The following SENP7 variants were observed in gnomAD, a reference collection of about 807,000 sequenced individuals.
SENP7 encodes the protein sentrin-specific protease 7.
Under a neutral mutation model 141.2 loss-of-function variants are expected in SENP7, and 64 were observed. That is an observed-to-expected ratio of 0.45 (90% CI 0.37 to 0.56). The LOEUF (loss-of-function observed/expected upper bound fraction) is 0.56. Among genes scored for constraint, SENP7 ranks in the 20% least tolerant of loss-of-function variants. The probability of loss-of-function intolerance (pLI) is 0.00; values close to 1 mark genes in which losing one functional copy is unlikely to be tolerated. For synonymous variants in SENP7, 382 were observed against 426.4 expected (o/e 0.90, Z 1.28); for missense variants, 1,025 against 1,212.2 (o/e 0.85, Z 2.29).
intron 4 of SENP7, among the ~76,000 whole-genome samples, chr3:101,431,153 T>C (rs1401900086): frequency 1.3e-5 from 2 of 152,186 alleles, no homozygotes; most frequent in Admixed American, 1.3e-4. Flanking sequence ...GAATGTATAT[T>C]CTGTTGATTT....
In SENP7 at chr3:101,338,156, A is replaced by AC. The variant is rs1475237321; in HGVS notation, c.2358-526_2358-525insG. Among the ~76,000 whole-genome samples, 21 of 151,370 alleles carry AC rather than the reference A, an allele frequency of 1.4e-4. 1 individual carries two copies. In the East Asian group the frequency reaches 3.3e-3, roughly 24 times the overall value. ...TGACACAGCGAGACTCTGTCTCAAA[A>AC]AAAAAAAAAAAAATTAAAAAACTTT... On this transcript the variant is annotated intron_variant, in intron 16 of 23. Coordinates refer to ENST00000394095, the MANE Select transcript of SENP7 (RefSeq NM_020654.5).
intron 3 of SENP7, among the ~76,000 whole-genome samples, chr3:101,463,324 C>T (rs1164585831): frequency 7.2e-6 from 1 of 139,812 alleles, no homozygotes; most frequent in Non-Finnish European, 1.5e-5. Flanking sequence ...AGTCAGGCCT[C>T]GGTGACACAG....
chr3:101,410,032 T>G (rs2061410917), intron 5 of SENP7, among the ~76,000 whole-genome samples: 1 of 152,094 alleles, frequency 6.6e-6, no homozygotes, highest in Non-Finnish European at 1.5e-5. Flanking sequence ...TCACAATGTA[T>G]ACATCTGACA....
chr3:101,416,394 T>A (rs939187011), intron 5 of SENP7, among the ~76,000 whole-genome samples: 1 of 152,194 alleles, frequency 6.6e-6, no homozygotes, highest in African/African-American at 2.4e-5. Flanking sequence ...ATTGATGAGT[T>A]TGTTGTCATT....
chr3:101,378,257 G>A (rs1333779977), intron 6 of SENP7, among the ~76,000 whole-genome samples: 1 of 151,964 alleles, frequency 6.6e-6, no homozygotes, highest in Non-Finnish European at 1.5e-5. Flanking sequence ...ACATGTCAGA[G>A]ATGTTGAATT....
At chr3:101,355,168 C>G (rs755171186) in intron 11 of SENP7, among the ~76,000 whole-genome samples, 45 of 152,076 alleles carry the variant, frequency 3.0e-4, no homozygotes, top group Non-Finnish European at 5.3e-4. Context: ...TGTAGGTTGT[C>G]TGTTTACTCT....
intron 4 of SENP7, among the ~76,000 whole-genome samples, chr3:101,420,195 G>A (rs760952543): frequency 7.2e-5 from 11 of 152,064 alleles, no homozygotes; most frequent in Non-Finnish European, 1.0e-4. Flanking sequence ...GTGAAACCCC[G>A]TCTCTACTAA....
At chr3:101,469,317 C>G (rs2063885659) in intron 3 of SENP7, among the ~76,000 whole-genome samples, 1 of 152,114 alleles carries the variant, frequency 6.6e-6, no homozygotes. Context: ...GACTTTAACA[C>G]ACCACTGTCA....
In SENP7 at chr3:101,328,591, CA is replaced by C. The variant is rs767096535; in HGVS notation, c.2796-46del. 1.0e-5 allele frequency: 16 copies of C among 1,600,092 alleles called. No individual in the cohort carries two copies. In the African/African-American group the frequency reaches 2.0e-4, roughly 20 times the overall value. ...AAATCAAGATTTACATACTTGTATA[CA>C]AAGTATATCTAAATACCTCAAAAAA... On this transcript the variant is annotated intron_variant, in intron 21 of 23. Transcript: ENST00000394095.
intron 4 of SENP7, among the ~76,000 whole-genome samples, chr3:101,424,177 T>C (rs73865626): frequency 2.0e-5 from 3 of 152,156 alleles, no homozygotes; most frequent in African/African-American, 7.2e-5. Context: ...CAGGGCAGCA[T>C]TGGGTGCCCT....
intron 6 of SENP7, among the ~76,000 whole-genome samples, chr3:101,394,023 C>G (rs2107555596): frequency 6.7e-6 from 1 of 150,186 alleles, no homozygotes; most frequent in South Asian, 2.1e-4. Flanking sequence ...CTACAGTCAC[C>G]CTACTCTGCT....
intron 6 of SENP7, among the ~76,000 whole-genome samples, chr3:101,381,007 C>G (rs1214306599): frequency 1.3e-5 from 2 of 152,042 alleles, no homozygotes; most frequent in Non-Finnish European, 2.9e-5. Flanking sequence ...AAAATGCATG[C>G]CATGTAATAC....
chr3:101,477,002 C>T (rs1336292121), intron 3 of SENP7, among the ~76,000 whole-genome samples: 1 of 152,026 alleles, frequency 6.6e-6, no homozygotes. Context: ...GATAGTAGTC[C>T]TTTGTCAGAT....
chr3:101,496,682 A>G (rs1044962696), intron 2 of SENP7, among the ~76,000 whole-genome samples: 3 of 152,016 alleles, frequency 2.0e-5, no homozygotes, highest in African/African-American at 7.2e-5. Context: ...AGTTCAAACA[A>G]TCCTCCCACC....
chr3:101,453,107 A>G (rs2063210095), intron 4 of SENP7, among the ~76,000 whole-genome samples: 1 of 152,226 alleles, frequency 6.6e-6, no homozygotes, highest in African/African-American at 2.4e-5. Flanking sequence ...CAAAAGACAC[A>G]TGAAAAAATG....
At chr3:101,400,888 A>G (rs1231053212) in intron 5 of SENP7, among the ~76,000 whole-genome samples, 1 of 152,024 alleles carries the variant, frequency 6.6e-6, no homozygotes. Flanking sequence ...TGAGGCCAGG[A>G]GACTGAGGCC....
intron 5 of SENP7, among the ~76,000 whole-genome samples, chr3:101,411,049 C>T (rs2061444447): frequency 1.3e-5 from 2 of 151,942 alleles, no homozygotes; most frequent in Admixed American, 6.6e-5. Flanking sequence ...TCTTATTTTA[C>T]CACCTTATAA....
At chr3:101,422,957 A>C (rs140692488) in intron 4 of SENP7, among the ~76,000 whole-genome samples, 2 of 152,192 alleles carry the variant, frequency 1.3e-5, no homozygotes, top group Admixed American at 1.3e-4. Context: ...AGCTTGGCCA[A>C]ATAAATTCAG....
chr3:101,373,086 T>TA lies in SENP7; in HGVS notation c.678-961dup, dbSNP rs538171150. On this transcript the variant is annotated intron_variant, in intron 6 of 23. Transcript: ENST00000394095. ...GGAAGGCTAAAAATGACTTATAAAT[T>TA]AAAAAAAGCTACAGTATCCAAACAT... Among the ~76,000 whole-genome samples, 859 of 152,152 alleles carry TA rather than the reference T, an allele frequency of 5.6e-3. 8 individuals carry two copies. The highest frequency in any genetic ancestry group is 0.019 in the African/African-American group (779 of 41,552).
Sources: gnomAD v4.1 joint callset for allele counts (sites outside exome capture counted in the v4.1 genomes callset) on GRCh38, gnomAD v4.1.1 for gene constraint, MANE v1.5 for transcripts, NCBI Gene and HGNC (gene_info 2026-07-23, HGNC 2026-07-21) for gene names.